QTMAN: variants seen among roughly 807,000 people sequenced by gnomAD.
The protein encoded by QTMAN is tRNA-queuosine alpha-mannosyltransferase.
chr2:144,326,914 G>A, the QTMAN span, among the ~76,000 whole-genome samples: 2 of 152,152 alleles, frequency 1.3e-5, no homozygotes, highest in African/African-American at 4.8e-5. Flanking sequence ...CACAGAGAGA[G>A]AGCAAGATGA....
chr2:143,969,096 T>G, the QTMAN span, among the ~76,000 whole-genome samples: 1 of 152,238 alleles, frequency 6.6e-6, no homozygotes, highest in Admixed American at 6.5e-5. Context: ...TAGAATGTCC[T>G]GTTCTGTTTA....
the QTMAN span, among the ~76,000 whole-genome samples, chr2:144,160,169 C>T: frequency 7.2e-5 from 11 of 151,816 alleles, no homozygotes; most frequent in Admixed American, 4.6e-4. Context: ...TAATGACTAT[C>T]GGAAAGATCA....
chr2:144,254,116 C>T, the QTMAN span, among the ~76,000 whole-genome samples: 2 of 152,144 alleles, frequency 1.3e-5, no homozygotes, highest in Non-Finnish European at 2.9e-5. Context: ...CATGGGTGCA[C>T]AAAAGTCAAG....
chr2:144,023,248 T>C, the QTMAN span, among the ~76,000 whole-genome samples: 1 of 152,040 alleles, frequency 6.6e-6, no homozygotes, highest in Non-Finnish European at 1.5e-5. Flanking sequence ...GAGCTATTGA[T>C]GCACCAAAGT....
At chr2:144,016,439 G>C in the QTMAN span, among the ~76,000 whole-genome samples, 1 of 152,100 alleles carries the variant, frequency 6.6e-6, no homozygotes, top group Non-Finnish European at 1.5e-5. Flanking sequence ...TTCCCAATAT[G>C]GATCAGAAGT....
the QTMAN span, among the ~76,000 whole-genome samples, chr2:144,166,794 A>T: frequency 6.6e-6 from 1 of 152,088 alleles, no homozygotes; most frequent in Non-Finnish European, 1.5e-5. Flanking sequence ...CATTCTTCAG[A>T]CTCCACAAAT....
chr2:144,223,915 C>G, the QTMAN span, among the ~76,000 whole-genome samples: 44 of 152,160 alleles, frequency 2.9e-4, no homozygotes, highest in African/African-American at 9.9e-4. Context: ...AATTTCCAGG[C>G]CTGTTTCTAG....
the QTMAN span, chr2:144,230,260 A>G: frequency 6.6e-6 from 1 of 152,308 alleles, no homozygotes; most frequent in African/African-American, 2.4e-5. Context: ...CAGGGAAGGG[A>G]ACAATCTGGA....
the QTMAN span, among the ~76,000 whole-genome samples, chr2:144,163,298 A>G: frequency 6.6e-6 from 1 of 151,952 alleles, no homozygotes; most frequent in Admixed American, 6.6e-5. Context: ...AATTTAAAAA[A>G]TAAAAAATAT....
the QTMAN span, among the ~76,000 whole-genome samples, chr2:144,270,737 T>C: frequency 4.6e-5 from 7 of 152,090 alleles, no homozygotes; most frequent in Admixed American, 4.6e-4. Context: ...TGGGTTGATA[T>C]AGGGCAACAA....
the QTMAN span, among the ~76,000 whole-genome samples, chr2:144,318,771 T>C: frequency 6.6e-6 from 1 of 152,212 alleles, no homozygotes; most frequent in Non-Finnish European, 1.5e-5. Context: ...ATATGCTATA[T>C]AAAAAGTAAT....
the QTMAN span, among the ~76,000 whole-genome samples, chr2:144,084,076 T>C: frequency 2.0e-5 from 3 of 152,086 alleles, no homozygotes; most frequent in Non-Finnish European, 4.4e-5. Context: ...CAGCGGGAAA[T>C]TGTGTGAACT....
At chr2:144,208,266 T>C in the QTMAN span, among the ~76,000 whole-genome samples, 1 of 152,170 alleles carries the variant, frequency 6.6e-6, no homozygotes, top group Non-Finnish European at 1.5e-5. Flanking sequence ...CTCTGGTTCC[T>C]AGTACAGAGC....
chr2:144,117,141 A>G, the QTMAN span, among the ~76,000 whole-genome samples: 1 of 152,278 alleles, frequency 6.6e-6, no homozygotes, highest in African/African-American at 2.4e-5. Context: ...CTATATATTT[A>G]ACAGGTGAGC....
At chr2:144,268,142 C>T in the QTMAN span, among the ~76,000 whole-genome samples, 1 of 152,002 alleles carries the variant, frequency 6.6e-6, no homozygotes, top group African/African-American at 2.4e-5. Context: ...TGAGTGAGTT[C>T]TCATTCTATA....
chr2:144,329,429 G>A, the QTMAN span, among the ~76,000 whole-genome samples: 1 of 152,118 alleles, frequency 6.6e-6, no homozygotes, highest in African/African-American at 2.4e-5. Context: ...TCCAAACTCT[G>A]AAGTAAAGTT....
At chr2:144,193,142 T>C in the QTMAN span, among the ~76,000 whole-genome samples, 1 of 152,114 alleles carries the variant, frequency 6.6e-6, no homozygotes, top group Non-Finnish European at 1.5e-5. Context: ...ATACACCTTT[T>C]ATTTCTTTAA....
chr2:144,167,721 T>G, the QTMAN span, among the ~76,000 whole-genome samples: 1 of 152,142 alleles, frequency 6.6e-6, no homozygotes, highest in African/African-American at 2.4e-5. Flanking sequence ...AATGTGGAAC[T>G]GTGAGTCAAT....
At chr2:144,053,700 C>G in the QTMAN span, among the ~76,000 whole-genome samples, 1 of 152,200 alleles carries the variant, frequency 6.6e-6, no homozygotes, top group South Asian at 2.1e-4. Context: ...CAACTCCACT[C>G]TCCTCCTTCC....
Sources: gnomAD v4.1 joint callset for allele counts (sites outside exome capture counted in the v4.1 genomes callset) on GRCh38, gnomAD v4.1.1 for gene constraint, MANE v1.5 for transcripts, NCBI Gene and HGNC (gene_info 2026-07-23, HGNC 2026-07-21) for gene names.